NCBP1: variants seen among roughly 807,000 people sequenced by gnomAD.
NCBP1 encodes nuclear cap binding protein subunit 1, also known as nuclear cap-binding protein subunit 1.
NCBP1 carries 16 observed loss-of-function variants against 111.7 expected under a neutral mutation model. The observed-to-expected ratio is 0.14, with a 90% CI of 0.10 to 0.22. The LOEUF (loss-of-function observed/expected upper bound fraction) is 0.22. NCBP1 is among the 10% of genes least tolerant of loss of function. The pLI is 1.00. For synonymous variants in NCBP1, 304 were observed against 314.3 expected (o/e 0.97, Z 0.35); for missense variants, 607 against 957.5 (o/e 0.63, Z 4.83).
chr9:97,645,551 A>C, intron 5 of NCBP1, 60 bp from the exon 6 acceptor site: 2 of 1,505,858 alleles, frequency 1.3e-6, no homozygotes, highest in Non-Finnish European at 1.8e-6. Context: ...AAGAATAAAT[A>C]AAATATGAAT....
intron 9 of NCBP1, among the ~76,000 whole-genome samples, 165 bp from the exon 10 acceptor site, chr9:97,651,145 T>C (rs1183813908): frequency 6.6e-6 from 1 of 152,200 alleles, no homozygotes; most frequent in Non-Finnish European, 1.5e-5. Flanking sequence ...TTCCTTGTGG[T>C]AGACAGAATA....
At chr9:97,657,153 A>G (rs1001023464) in intron 14 of NCBP1, among the ~76,000 whole-genome samples, 3 of 152,074 alleles carry the variant, frequency 2.0e-5, no homozygotes, top group Non-Finnish European at 4.4e-5. Context: ...GTTTTAGTAG[A>G]GACGGGGTTT....
intron 5 of NCBP1, 36 bp from the exon 6 acceptor site, chr9:97,645,575 G>C: frequency 1.9e-6 from 3 of 1,580,064 alleles, no homozygotes; most frequent in Non-Finnish European, 2.6e-6. Context: ...TATAATTAAA[G>C]CATATTTTAA....
In NCBP1 at chr9:97,671,251, G is replaced by A; in HGVS notation, c.*52G>A. 1.5e-6 allele frequency: 2 copies of A among 1,329,476 alleles called. No individual in the cohort carries two copies. The highest frequency in any genetic ancestry group is 2.1e-6 in the Non-Finnish European group (2 of 943,300). 82.4% of individuals were successfully genotyped at this position (1,329,476 alleles called of 1,614,324 possible). ...TTTTTTTGATATCTTAAAATAATTT[G>A]TCTTATTTTTTGATGGTTTGAATGC... On this transcript the variant is annotated 3_prime_UTR_variant, in exon 23 of 23. Transcript: ENST00000375147.
At chr9:97,653,103 A>G (rs1244034271) in intron 10 of NCBP1, among the ~76,000 whole-genome samples, 2 of 151,662 alleles carry the variant, frequency 1.3e-5, no homozygotes, top group Admixed American at 6.6e-5. Context: ...TCCTGACCCC[A>G]AAGTCTAAAA....
chr9:97,656,211 A>G (rs961512135), intron 14 of NCBP1, 126 bp downstream of exon 14: 2 of 794,218 alleles, frequency 2.5e-6, no homozygotes, highest in Non-Finnish European at 4.0e-6. Flanking sequence ...CCCATTTTTA[A>G]TCAAGACTTA....
chr9:97,666,721 C>T, intron 19 of NCBP1, 42 bp from the exon 20 acceptor site: 2 of 1,280,940 alleles, frequency 1.6e-6, no homozygotes, highest in Non-Finnish European at 2.2e-6. Context: ...TTTCTGTAAC[C>T]ATAGCTTGAC....
intron 8 of NCBP1, among the ~76,000 whole-genome samples, chr9:97,649,051 G>A (rs960388572): frequency 2.6e-5 from 4 of 152,116 alleles, no homozygotes; most frequent in African/African-American, 7.2e-5. Flanking sequence ...CTAGTTTTAG[G>A]TATGGTCCCT....
At position 97,663,058 on chromosome 9, in the gene NCBP1, T is replaced by C. The variant is rs139290785; in HGVS notation, c.1797+11T>C. 977 of 1,582,780 alleles carry C rather than the reference T, an allele frequency of 6.2e-4. 3 individuals are homozygous for C. In the African/African-American group the frequency reaches 0.012, roughly 19 times the overall value. On this transcript the variant is annotated intron_variant, in intron 18 of 22. Transcript: ENST00000375147. ...AGGAACCATCCACAGGTAAAAATTA[T>C]TTAATTAGACATGTTGAAGCTCTGA...
At position 97,672,855 on chromosome 9, in the gene NCBP1, G is replaced by A. The variant is rs112680623; in HGVS notation, c.*1656G>A. The stretch of plus-strand genomic sequence containing the variant: ...TAAGAATATAGCATATGGGCTGGGC[G>A]CAGTGGCTCACGCCTGTAATCCCAG... On this transcript the variant is annotated 3_prime_UTR_variant, in exon 23 of 23. Coordinates refer to ENST00000375147, the MANE Select transcript of NCBP1 (RefSeq NM_002486.5). The A allele has an allele frequency of 0.12, 18,047 of 153,638 alleles. 3,027 individuals carry two copies. Among genetic ancestry groups the A allele is most frequent in the African/African-American group, 0.37 (15,191 of 41,464 alleles). The allele number at this position is 153,638 out of a possible 1,614,324, so 9.5% of individuals were successfully genotyped here.
chr9:97,654,586 T>C (rs1827592734), intron 11 of NCBP1, among the ~76,000 whole-genome samples: 1 of 151,672 alleles, frequency 6.6e-6, no homozygotes, highest in South Asian at 2.1e-4. Flanking sequence ...AAAGAAGCAA[T>C]TTCTGCTAAG....
Position 97,660,931 on chromosome 9 carries a change from C to A in NCBP1, c.1478-15C>A, listed in dbSNP as rs756368788. 1 of 1,604,706 alleles carries A rather than the reference C, an allele frequency of 6.2e-7. No individual in the cohort carries two copies. Among genetic ancestry groups the A allele is most frequent in the Non-Finnish European group, 8.5e-7 (1 of 1,175,800 alleles). On this transcript the variant is annotated splice_polypyrimidine_tract_variant and intron_variant, in intron 15 of 22. Transcript: ENST00000375147. ...CCTGATCTGTCATTCCCCTTACCCC[C>A]AATTCTGTGTTTAGATTCTCTTCCT...
In NCBP1 at chr9:97,672,461, TAAGACAA is replaced by T. The variant is rs1305802946; in HGVS notation, c.*1265_*1271del. On this transcript the variant is annotated 3_prime_UTR_variant, in exon 23 of 23. Transcript: ENST00000375147. The stretch of plus-strand genomic sequence containing the variant: ...TAGAATGTTTAAATACCATACTATT[TAAGACAA>T]AATACAAAATATCCAGAAAAATCCA... 3 of 152,248 alleles carry T rather than the reference TAAGACAA, an allele frequency of 2.0e-5. No individual in the cohort carries two copies. Among genetic ancestry groups the T allele is most frequent in the Admixed American group, 1.3e-4 (2 of 15,280 alleles). 9.4% of individuals were successfully genotyped at this position (152,248 alleles called of 1,614,324 possible). A position where few individuals can be genotyped will look rare whatever the true frequency, so the allele number is the denominator to read the frequency against.
rs35251482 is a variant in NCBP1 at position 97,660,965 on chromosome 9, T to C, written c.1497T>C (p.Ser499=). ...DESSNSLPGH[S]VALCLAVAFK... is the part of the protein sequence containing the mutation. ...GTTTAGATTCTCTTCCTGGACATTC[T>C]GTTGCCCTCTGTTTAGCTGTTGCCT... Residue 499 remains serine, a synonymous_variant, in exon 16 of 23, where the codon TCT becomes TCC. Transcript: ENST00000375147. 3,016 of 1,611,994 alleles carry C rather than the reference T, an allele frequency of 1.9e-3. 53 individuals are homozygous for C. The African/African-American group carries it at 0.036, about 19-fold the overall frequency.
At chr9:97,640,752 A>G (rs747886402) in intron 1 of NCBP1, 42 bp from the exon 2 acceptor site, 1 of 1,452,986 alleles carries the variant, frequency 6.9e-7, no homozygotes, top group East Asian at 2.3e-5. Context: ...TTGTGATAGC[A>G]GATTTATCAT....
rs1248810253 is a variant in NCBP1, at chr9:97,673,384, T to G, written c.*2185T>G. ...TTGGTAACTTTGACTCAAAACTGCT[T>G]TGTAATCTTTTCACAATGTACTGAA... On this transcript the variant is annotated 3_prime_UTR_variant, in exon 23 of 23. Coordinates refer to ENST00000375147, the MANE Select transcript of NCBP1 (RefSeq NM_002486.5). 1.3e-5 allele frequency: 2 copies of G among 152,184 alleles called. No homozygotes were observed. Among genetic ancestry groups the G allele is most frequent in the Non-Finnish European group, 2.9e-5 (2 of 68,030 alleles). 9.4% of individuals were successfully genotyped at this position (152,184 alleles called of 1,614,324 possible). A position where few individuals can be genotyped will look rare whatever the true frequency, so the allele number is the denominator to read the frequency against.
At chr9:97,641,791 A>T (rs571547709) in intron 3 of NCBP1, 129 bp downstream of exon 3, 1 of 1,043,720 alleles carries the variant, frequency 9.6e-7, no homozygotes, top group Non-Finnish European at 1.2e-6. Context: ...GGAAATTTGT[A>T]CAAATGAGCC....
Position 97,672,643 on chromosome 9 carries a change from ACTGTGTG to A in NCBP1, c.*1445_*1451del, listed in dbSNP as rs1828225942. On this transcript the variant is annotated 3_prime_UTR_variant, in exon 23 of 23. Transcript: ENST00000375147. ...TGACCCTTGAACAACATGGGTTTGA[ACTGTGTG>A]AGTCTCCTTACACACAGGTTTTCTT... The A allele has an allele frequency of 6.5e-6, 1 of 153,640 alleles. No individual in the cohort carries two copies. The highest frequency in any genetic ancestry group is 1.4e-5 in the Non-Finnish European group (1 of 69,196). 9.5% of individuals were successfully genotyped at this position (153,640 alleles called of 1,614,324 possible).
chr9:97,650,405 T>C, intron 8 of NCBP1, 98 bp from the exon 9 acceptor site: 6 of 823,282 alleles, frequency 7.3e-6, no homozygotes, highest in East Asian at 2.6e-5. Flanking sequence ...TCACCCAGTT[T>C]AGTGCTTGGA....
Sources: allele counts gnomAD v4.1 joint callset (sites outside exome capture counted in the v4.1 genomes callset), GRCh38; gene constraint gnomAD v4.1.1; transcripts MANE v1.5; gene names NCBI Gene and HGNC (gene_info 2026-07-23, HGNC 2026-07-21).